The following ZNF627 variants were observed in gnomAD, a reference collection of about 807,000 sequenced individuals.
ZNF627 encodes zinc finger protein 627.
ZNF627 carries 12 observed loss-of-function variants against 10.6 expected under a neutral mutation model. The ratio of observed to expected loss-of-function variants is 1.13; its 90% CI spans 0.73 to 1.84. The LOEUF (loss-of-function observed/expected upper bound fraction) is 1.84. Ranked by LOEUF, ZNF627 falls within the 40% of genes most tolerant of loss-of-function variation. The probability of loss-of-function intolerance (pLI) is 0.00; values close to 1 mark genes in which losing one functional copy is unlikely to be tolerated. For synonymous variants in ZNF627, 176 were observed against 187.1 expected, an observed-to-expected ratio of 0.94 and a Z score of 0.48; for missense variants, 504 against 568.4, an observed-to-expected ratio of 0.89 and a Z score of 1.15.
At chr19:11,612,292 T>C (rs1484059008) in intron 1 of ZNF627, among the ~76,000 whole-genome samples, 1 of 151,622 alleles carries the variant, frequency 6.6e-6, no homozygotes, top group Non-Finnish European at 1.5e-5. Context: ...GGCTAATTTT[T>C]TGTATTTTTC....
chr19:11,612,422 CTT>C (rs759276399), intron 1 of ZNF627, among the ~76,000 whole-genome samples: 19 of 98,740 alleles, frequency 1.9e-4, no homozygotes, highest in Admixed American at 3.5e-4. Context: ...GCCCGGCCTG[CTT>C]TTTTTTTTTT....
Position 11,617,474 on chromosome 19 carries a change from G to C in ZNF627, c.971G>C (p.Arg324Thr). 6.2e-7 allele frequency: 1 copy of C among 1,613,584 alleles called. No individual in the cohort carries two copies. The highest frequency in any genetic ancestry group is 1.3e-5 in the African/African-American group (1 of 74,868). The change falls in exon 4 of 4, where the codon AGA becomes ACA. Residue 324 changes from arginine (R) to threonine (T), a missense_variant. Transcript: ENST00000361113. ...KALTCLASVRRHMIKHTGNGP... is the reference protein window; with the variant it reads ...KALTCLASVRTHMIKHTGNGP... Reference sequence around the variant, plus strand: ...TTGACTTGTCTTGCAAGTGTTAGAAGACACATGATAAAGCACACTGGCAAT... The same window carrying C: ...TTGACTTGTCTTGCAAGTGTTAGAACACACATGATAAAGCACACTGGCAAT...
In ZNF627 at chr19:11,619,028, A is replaced by G. The variant is rs1398721086; in HGVS notation, c.*1139A>G. 3 of 152,090 alleles carry G rather than the reference A, an allele frequency of 2.0e-5. No homozygotes were observed. Among genetic ancestry groups the G allele is most frequent in the African/African-American group, 7.2e-5 (3 of 41,404 alleles). 9.4% of individuals were successfully genotyped at this position (152,090 alleles called of 1,614,324 possible). On this transcript the variant is annotated 3_prime_UTR_variant, in exon 4 of 4. Coordinates refer to ENST00000361113, the MANE Select transcript of ZNF627 (RefSeq NM_145295.4). Reference sequence around the variant, plus strand: ...ATTTCTCATCTACTCATAATACCAAAAGTTAAGTCATGCTGTTTTGTGTGC... The same window carrying G: ...ATTTCTCATCTACTCATAATACCAAGAGTTAAGTCATGCTGTTTTGTGTGC...
chr19:11,608,566 T>G (rs1973713508), intron 1 of ZNF627, among the ~76,000 whole-genome samples: 1 of 152,248 alleles, frequency 6.6e-6, no homozygotes, highest in Admixed American at 6.5e-5. Context: ...TGAAATTACA[T>G]TGTGTAAAAT....
At position 11,614,560 on chromosome 19, in the gene ZNF627, T is replaced by G. The variant is rs778803276; in HGVS notation, c.37T>G (p.Phe13Val). 1 of 1,613,908 alleles carries G rather than the reference T, an allele frequency of 6.2e-7. No homozygotes were observed. Among genetic ancestry groups the G allele is most frequent in the Non-Finnish European group, 8.5e-7 (1 of 1,179,976 alleles). The change falls in exon 2 of 4, where the codon TTC (phenylalanine) becomes GTC (valine). Residue 13 changes from phenylalanine to valine, a missense_variant. Physicochemically the swap from Phe to Val is conservative, Grantham distance 50 (BLOSUM62 -1). Transcript: ENST00000361113. ...SVAFEDVAVN[F>V]TLEEWALLDP... ...GGCCTTTGAGGATGTGGCTGTGAACTTCACCCTGGAGGAGTGGGCTTTGCT... is the reference window on the plus strand; with the variant it reads ...GGCCTTTGAGGATGTGGCTGTGAACGTCACCCTGGAGGAGTGGGCTTTGCT...
At chr19:11,599,790 T>C (rs1973553874) in intron 1 of ZNF627, among the ~76,000 whole-genome samples, 1 of 151,810 alleles carries the variant, frequency 6.6e-6, no homozygotes, top group South Asian at 2.1e-4. Context: ...GCCTCTAATC[T>C]CAGCTACTGG....
intron 1 of ZNF627, among the ~76,000 whole-genome samples, chr19:11,609,430 T>G (rs1973726643): frequency 8.3e-6 from 1 of 121,140 alleles, no homozygotes; most frequent in Admixed American, 8.7e-5. Context: ...GTGCTTTGCA[T>G]CTTCCAGATC....
At chr19:11,612,716 G>A (rs537644421) in intron 1 of ZNF627, among the ~76,000 whole-genome samples, 6 of 151,974 alleles carry the variant, frequency 3.9e-5, no homozygotes, top group African/African-American at 9.7e-5. Context: ...CCACCTTGCC[G>A]GGCCTCAACT....
chr19:11,610,634 CTAAT>C (rs1467617599), intron 1 of ZNF627, among the ~76,000 whole-genome samples: 1 of 152,028 alleles, frequency 6.6e-6, no homozygotes, highest in East Asian at 1.9e-4. Context: ...GTAACTGCTG[CTAAT>C]TAGAGTATAT....
chr19:11,613,507 TA>T (rs35148340), intron 1 of ZNF627, among the ~76,000 whole-genome samples: 62,869 of 150,870 alleles, frequency 0.42, 13,381 homozygotes, highest in Admixed American at 0.47. Flanking sequence ...TCTTTTTTTT[TA>T]AAAAACAGCT....
At chr19:11,610,854 T>C (rs1046771758) in intron 1 of ZNF627, among the ~76,000 whole-genome samples, 1 of 152,184 alleles carries the variant, frequency 6.6e-6, no homozygotes, top group Admixed American at 6.5e-5. Flanking sequence ...TTTGTTGAAA[T>C]ATTTTCTTTC....
At chr19:11,615,623 C>G (rs972226940) in intron 3 of ZNF627, among the ~76,000 whole-genome samples, 2 of 150,376 alleles carry the variant, frequency 1.3e-5, no homozygotes, top group Admixed American at 1.3e-4. Context: ...AAAAGAAAAT[C>G]TTCTCCAAAA....
At position 11,617,679 on chromosome 19, in the gene ZNF627, A is replaced by G. The variant is rs764008274; in HGVS notation, c.1176A>G (p.Lys392=). The change falls in exon 4 of 4, where the codon AAA becomes AAG. Residue 392 remains lysine, a synonymous_variant. Coordinates refer to ENST00000361113, the MANE Select transcript of ZNF627 (RefSeq NM_145295.4). Reference sequence around the variant, plus strand: ...TTCACACTGGAGAGAAACCCTATAAATGTACAAAATGTGGGAAAGCCTTCA... The same window carrying G: ...TTCACACTGGAGAGAAACCCTATAAGTGTACAAAATGTGGGAAAGCCTTCA... ...ERIHTGEKPY[K]CTKCGKAFSR... 3 of 1,612,454 alleles carry G rather than the reference A, an allele frequency of 1.9e-6. No homozygotes were observed. In the Admixed American group the frequency reaches 5.0e-5, roughly 27 times the overall value.
chr19:11,619,144 T>C lies in ZNF627; in HGVS notation c.*1255T>C, dbSNP rs1426454870. On this transcript the variant is annotated 3_prime_UTR_variant, in exon 4 of 4. Transcript: ENST00000361113. ...ATCATGACCACAAACCATAAAGGAC[T>C]GTGTGATGTATCAGTAAGAGGGTGC... 2 of 152,154 alleles carry C rather than the reference T, an allele frequency of 1.3e-5. No individual in the cohort carries two copies. Among genetic ancestry groups the C allele is most frequent in the South Asian group, 2.1e-4 (1 of 4,832 alleles). The allele number at this position is 152,154 out of a possible 1,614,324, so 9.4% of individuals were successfully genotyped here. A position where few individuals can be genotyped will look rare whatever the true frequency, so the allele number is the denominator to read the frequency against.
In ZNF627 at chr19:11,597,539, G is replaced by A; in HGVS notation, c.-89G>A. 1 of 1,267,276 alleles carries A rather than the reference G, an allele frequency of 7.9e-7. No homozygotes were observed. The highest frequency in any genetic ancestry group is 1.0e-6 in the Non-Finnish European group (1 of 992,074). The allele number at this position is 1,267,276 out of a possible 1,614,324, so 78.5% of individuals were successfully genotyped here. ...GTCTCCGTTTCTCCGAGAGGCCCAA[G>A]GTGTCTCCGCCGCAGCCTCTGTCGC... On this transcript the variant is annotated 5_prime_UTR_variant, in exon 1 of 4. Coordinates refer to ENST00000361113, the MANE Select transcript of ZNF627 (RefSeq NM_145295.4).
At chr19:11,600,450 T>A (rs988581473) in intron 1 of ZNF627, among the ~76,000 whole-genome samples, 1 of 151,644 alleles carries the variant, frequency 6.6e-6, no homozygotes, top group Non-Finnish European at 1.5e-5. Context: ...AAAAAAAAAA[T>A]TATTATTTTT....
At chr19:11,613,522 TA>T (rs905539989) in intron 1 of ZNF627, among the ~76,000 whole-genome samples, 5 of 151,326 alleles carry the variant, frequency 3.3e-5, no homozygotes, top group South Asian at 2.1e-4. Flanking sequence ...AACAGCTAAT[TA>T]AAAAAAATAT....
rs1167753986 is a variant in ZNF627, at chr19:11,609,527, TC to T, written c.4-4993del. ...TATATATATATATATATGTATTTTT[TC>T]CCCCCCGAGACTGAGTCTTGCCCTG... On this transcript the variant is annotated intron_variant, in intron 1 of 3. Coordinates refer to ENST00000361113, the MANE Select transcript of ZNF627 (RefSeq NM_145295.4). Among the ~76,000 whole-genome samples the T allele has an allele frequency of 2.9e-5, 3 of 104,780 alleles. 1 individual carries two copies. The highest frequency in any genetic ancestry group is 2.1e-5 in the Non-Finnish European group (1 of 46,968). The allele number at this position is 104,780 out of a possible 152,430, so 68.7% of individuals were successfully genotyped here. A position where few individuals can be genotyped will look rare whatever the true frequency, so the allele number is the denominator to read the frequency against.
chr19:11,602,418 C>T (rs536127204), intron 1 of ZNF627, among the ~76,000 whole-genome samples: 1 of 152,266 alleles, frequency 6.6e-6, no homozygotes, highest in African/African-American at 2.4e-5. Flanking sequence ...TGTTTCTTTG[C>T]GTAACCTGCT....
Sources: allele counts gnomAD v4.1 joint callset (sites outside exome capture counted in the v4.1 genomes callset), GRCh38; gene constraint gnomAD v4.1.1; transcripts MANE v1.5; gene names NCBI Gene and HGNC (gene_info 2026-07-23, HGNC 2026-07-21).